Variants in PSD3 observed in about 807,000 individuals in gnomAD.
The protein encoded by PSD3 is PH and SEC7 domain-containing protein 3.
PSD3 carries 49 observed loss-of-function variants against 105.5 expected under a neutral mutation model. The observed-to-expected ratio is 0.46, with a 90% CI of 0.37 to 0.59. PSD3 has a LOEUF of 0.59. Ranked by LOEUF, PSD3 falls within the 20% of genes least tolerant of loss-of-function variation. The pLI, the probability that PSD3 is intolerant of heterozygous loss-of-function variation, is 0.00. For synonymous variants in PSD3, 557 were observed against 457.8 expected (o/e 1.22, Z -2.77); for missense variants, 1,561 against 1,263.8 (o/e 1.24, Z -3.57).
chr8:18,629,069 C>T (rs2410594), intron 11 of PSD3, among the ~76,000 whole-genome samples: 65,105 of 151,648 alleles, frequency 0.43, 14,487 homozygotes, highest in African/African-American at 0.53. Flanking sequence ...AAAGACACAA[C>T]CATAAATTAA....
chr8:19,084,210 A>C, exon 1 of PSD3: 1 of 450,698 alleles, frequency 2.2e-6, no homozygotes, highest in African/African-American at 2.0e-5. Flanking sequence ...TCTTACCTTG[A>C]GAGGCAGAGT....
chr8:18,829,185 A>G (rs1380429480), intron 4 of PSD3, among the ~76,000 whole-genome samples: 1 of 152,202 alleles, frequency 6.6e-6, no homozygotes, highest in East Asian at 1.9e-4. Flanking sequence ...GGCTGTAGTA[A>G]GCTGTGATCA....
At chr8:18,959,921 G>T (rs1483295293) in intron 1 of PSD3, among the ~76,000 whole-genome samples, 1 of 152,150 alleles carries the variant, frequency 6.6e-6, no homozygotes, top group Non-Finnish European at 1.5e-5. Context: ...GGTCCCTCAG[G>T]CTGGAAACAT....
chr8:18,548,965 G>A (rs980642387), intron 15 of PSD3, among the ~76,000 whole-genome samples: 1 of 152,092 alleles, frequency 6.6e-6, no homozygotes, highest in Non-Finnish European at 1.5e-5. Flanking sequence ...TATTCTGAGT[G>A]GGATGTCAAA....
intron 4 of PSD3, among the ~76,000 whole-genome samples, chr8:18,842,761 G>A (rs191228886): frequency 6.6e-6 from 1 of 151,994 alleles, no homozygotes; most frequent in East Asian, 1.9e-4. Context: ...GGCTTTACTA[G>A]TATACAGACT....
rs138895343 is a variant in PSD3, at chr8:18,673,210, A to C, written c.2173-17525T>G. Among the ~76,000 whole-genome samples the C allele has an allele frequency of 2.3e-3, 356 of 151,994 alleles. 2 individuals are homozygous for C. Among genetic ancestry groups the C allele is most frequent in the African/African-American group, 8.1e-3 (336 of 41,436 alleles). On this transcript the variant is annotated intron_variant, in intron 9 of 15. Coordinates refer to ENST00000327040, the MANE Select transcript of PSD3 (RefSeq NM_015310.4). ...TTAACACACACACCCATCCACACAC[A>C]CACACACACCCACACACACCCTGCC...
Position 18,609,431 on chromosome 8 carries a change from G to A in PSD3, c.2411-8997C>T, listed in dbSNP as rs111432433. Among the ~76,000 whole-genome samples, 1,519 of 152,270 alleles carry A rather than the reference G, an allele frequency of 1.0e-2. 26 individuals carry two copies. Among genetic ancestry groups the A allele is most frequent in the African/African-American group, 0.035 (1,446 of 41,562 alleles). ...TCCAAAATAAACCCAGCACTTTAAT[G>A]AACTTGAAAACAAAGATATACTTAG... On this transcript the variant is annotated intron_variant, in intron 11 of 15. Transcript: ENST00000327040.
intron 9 of PSD3, among the ~76,000 whole-genome samples, chr8:18,676,803 G>T (rs1225251123): frequency 1.3e-5 from 2 of 152,172 alleles, no homozygotes; most frequent in Non-Finnish European, 2.9e-5. Flanking sequence ...GCTGCTTCCT[G>T]CAGAGCCAGT....
chr8:18,927,652 G>A lies in PSD3; in HGVS notation c.130+8382C>T, dbSNP rs1411926234. Among the ~76,000 whole-genome samples, 5 of 152,206 alleles carry A rather than the reference G, an allele frequency of 3.3e-5. No individual in the cohort carries two copies. The East Asian group carries it at 7.7e-4, about 23-fold the overall frequency. ...ACTGACCCGGGGGCTCTGGGCTGCTGCCATGCTACTTAGTTTCCCTGAACA... is the reference window on the plus strand; with the variant it reads ...ACTGACCCGGGGGCTCTGGGCTGCTACCATGCTACTTAGTTTCCCTGAACA... On this transcript the variant is annotated intron_variant, in intron 2 of 15. Transcript: ENST00000327040.
At chr8:18,840,583 G>A (rs920387210) in intron 4 of PSD3, among the ~76,000 whole-genome samples, 1 of 152,198 alleles carries the variant, frequency 6.6e-6, no homozygotes, top group South Asian at 2.1e-4. Flanking sequence ...ACAATCCTGC[G>A]AAGTAGGTAT....
chr8:18,916,452 G>C (rs1820616052), intron 2 of PSD3, among the ~76,000 whole-genome samples: 1 of 150,344 alleles, frequency 6.7e-6, no homozygotes, highest in Admixed American at 6.6e-5. Flanking sequence ...AAACCTAGAG[G>C]ACATTATGCT....
chr8:19,026,460 A>C (rs1213743537), intron 1 of PSD3, among the ~76,000 whole-genome samples: 1 of 152,260 alleles, frequency 6.6e-6, no homozygotes, highest in East Asian at 1.9e-4. Context: ...GCAAAAACCT[A>C]AGAGAAGTTA....
At chr8:19,042,520 G>A (rs1324459579) in intron 1 of PSD3, among the ~76,000 whole-genome samples, 1 of 152,234 alleles carries the variant, frequency 6.6e-6, no homozygotes, top group Non-Finnish European at 1.5e-5. Context: ...TAGCAAAGTA[G>A]GGTTTTTGTG....
intron 12 of PSD3, among the ~76,000 whole-genome samples, chr8:18,586,069 C>G (rs534021495): frequency 5.5e-4 from 83 of 152,040 alleles, no homozygotes; most frequent in Non-Finnish European, 1.0e-3. Flanking sequence ...AAGAGGCTGC[C>G]GACACTGTGC....
chr8:18,743,536 A>T (rs1163831114), intron 9 of PSD3, among the ~76,000 whole-genome samples: 1 of 152,142 alleles, frequency 6.6e-6, no homozygotes, highest in Admixed American at 6.6e-5. Context: ...ATGGGGGAAA[A>T]GTCTCTTCCC....
Position 18,776,280 on chromosome 8 carries a change from A to C in PSD3, c.2083-10742T>G, listed in dbSNP as rs573660083. Among the ~76,000 whole-genome samples, 51 of 142,126 alleles carry C rather than the reference A, an allele frequency of 3.6e-4. 1 individual carries two copies. The South Asian group carries it at 0.01, about 29-fold the overall frequency. 93.2% of individuals were successfully genotyped at this position (142,126 alleles called of 152,430 possible). A position where few individuals can be genotyped will look rare whatever the true frequency, so the allele number is the denominator to read the frequency against. On this transcript the variant is annotated intron_variant, in intron 8 of 15. Transcript: ENST00000327040. ...TCTCTCTATATATATATAATGTATA[A>C]ATATATATATAATGTATAAATATAT...
chr8:18,997,804 C>T (rs1457507059), intron 1 of PSD3, among the ~76,000 whole-genome samples: 4 of 151,782 alleles, frequency 2.6e-5, no homozygotes, highest in Non-Finnish European at 5.9e-5. Flanking sequence ...TTTCCTCATG[C>T]GTCACCTCAA....
At chr8:18,579,007 A>G (rs953689348) in intron 12 of PSD3, among the ~76,000 whole-genome samples, 4 of 151,890 alleles carry the variant, frequency 2.6e-5, no homozygotes, top group Admixed American at 1.3e-4. Flanking sequence ...TGATAATACA[A>G]TTTTACCATT....
intron 8 of PSD3, among the ~76,000 whole-genome samples, chr8:18,793,889 A>G (rs926107156): frequency 7.2e-5 from 11 of 152,244 alleles, no homozygotes; most frequent in African/African-American, 2.7e-4. Flanking sequence ...AGGTTCATCA[A>G]TATCATGGAA....
Sources: gnomAD v4.1 joint callset for allele counts (sites outside exome capture counted in the v4.1 genomes callset) on GRCh38, gnomAD v4.1.1 for gene constraint, MANE v1.5 for transcripts, NCBI Gene and HGNC (gene_info 2026-07-23, HGNC 2026-07-21) for gene names.